The following SLC35F1 variants were observed in gnomAD, a reference collection of about 807,000 sequenced individuals.
SLC35F1 encodes solute carrier family 35 member F1.
SLC35F1 carries 14 observed loss-of-function variants against 48.7 expected under a neutral mutation model. That is an observed-to-expected ratio of 0.29 (90% confidence interval 0.19 to 0.45). The LOEUF (loss-of-function observed/expected upper bound fraction) is 0.45, where lower values mean the gene tolerates loss of function less well. Ranked by LOEUF, SLC35F1 falls within the 20% of genes least tolerant of loss-of-function variation. The probability of loss-of-function intolerance (pLI) is 1.00; values close to 1 mark genes in which losing one functional copy is unlikely to be tolerated. For synonymous variants in SLC35F1, 190 were observed against 202.2 expected (o/e 0.94, Z 0.51); for missense variants, 404 against 500.0 (o/e 0.81, Z 1.83).
chr6:117,943,215 A>C (rs1776254661), intron 1 of SLC35F1, among the ~76,000 whole-genome samples: 1 of 152,208 alleles, frequency 6.6e-6, no homozygotes, highest in South Asian at 2.1e-4. Flanking sequence ...GTAGTTCATT[A>C]CTGCTGATTG....
chr6:118,084,786 C>A (rs989724804), intron 1 of SLC35F1, among the ~76,000 whole-genome samples: 2 of 151,802 alleles, frequency 1.3e-5, no homozygotes, highest in Non-Finnish European at 2.9e-5. Context: ...GAAATGGGGA[C>A]CCTTGCTCCT....
Position 118,200,159 on chromosome 6 carries a change from TATACATACATAC to T in SLC35F1, c.350-35314_350-35303del, listed in dbSNP as rs71012386. 5.4e-3 allele frequency among the ~76,000 whole-genome samples: 797 copies of T among 147,294 alleles called. 7 individuals carry two copies. Among genetic ancestry groups the T allele is most frequent in the African/African-American group, 0.019 (738 of 38,634 alleles). ...CCAGTACCGCTGACATACATACATATATACATACATACATACATACATACATACATACATACA... is the reference window on the plus strand; with the variant it reads ...CCAGTACCGCTGACATACATACATATATACATACATACATACATACATACA... On this transcript the variant is annotated intron_variant, in intron 2 of 7. Transcript: ENST00000360388.
At chr6:118,000,955 CA>C (rs1394631234) in intron 1 of SLC35F1, among the ~76,000 whole-genome samples, 3 of 151,974 alleles carry the variant, frequency 2.0e-5, no homozygotes, top group Non-Finnish European at 4.4e-5. Flanking sequence ...AAAGAGGATA[CA>C]AACAAATGGA....
chr6:118,286,123 C>G (rs1288476511), intron 7 of SLC35F1, among the ~76,000 whole-genome samples: 1 of 152,120 alleles, frequency 6.6e-6, no homozygotes, highest in African/African-American at 2.4e-5. Flanking sequence ...AGACAAGAGT[C>G]AACAGGGACT....
intron 1 of SLC35F1, among the ~76,000 whole-genome samples, chr6:118,119,079 G>A (rs1773516302): frequency 6.6e-6 from 1 of 151,976 alleles, no homozygotes; most frequent in Non-Finnish European, 1.5e-5. Context: ...AAAGCTATGT[G>A]ACTATAGATC....
intron 1 of SLC35F1, among the ~76,000 whole-genome samples, chr6:117,924,651 C>T (rs1421095103): frequency 6.6e-6 from 1 of 151,900 alleles, no homozygotes; most frequent in Non-Finnish European, 1.5e-5. Flanking sequence ...AGGGCAATGC[C>T]AGAAGGTTGT....
chr6:118,072,315 A>G (rs1772744078), intron 1 of SLC35F1, among the ~76,000 whole-genome samples: 1 of 152,224 alleles, frequency 6.6e-6, no homozygotes. Flanking sequence ...CTGTAATCCC[A>G]GCACTTTGGG....
intron 2 of SLC35F1, among the ~76,000 whole-genome samples, chr6:118,212,061 A>G (rs983056869): frequency 2.0e-5 from 3 of 152,102 alleles, no homozygotes; most frequent in Non-Finnish European, 4.4e-5. Flanking sequence ...TTTCCTTTGT[A>G]TGCATTCTTG....
rs552985583 is a variant in SLC35F1, at chr6:118,221,092, CTGTGTCCAGCTGGGTCTACCTTATTAT to C, written c.350-14415_350-14389del. Among the ~76,000 whole-genome samples the C allele has an allele frequency of 5.3e-4, 80 of 152,240 alleles. 1 individual carries two copies. The highest frequency in any genetic ancestry group is 1.8e-3 in the African/African-American group (75 of 41,536). Reference sequence around the variant, plus strand: ...TCTCTTATAATTGTGTTAGATATTACTGTGTCCAGCTGGGTCTACCTTATTATTATCTACCTAACTGAAGACAGCACT... The same window carrying C: ...TCTCTTATAATTGTGTTAGATATTACTATCTACCTAACTGAAGACAGCACT... On this transcript the variant is annotated intron_variant, in intron 2 of 7. Transcript: ENST00000360388.
At chr6:117,919,801 G>C (rs886765738) in intron 1 of SLC35F1, among the ~76,000 whole-genome samples, 1 of 152,184 alleles carries the variant, frequency 6.6e-6, no homozygotes, top group African/African-American at 2.4e-5. Context: ...TTGGGAAGGC[G>C]ATTTCAGCAC....
intron 1 of SLC35F1, among the ~76,000 whole-genome samples, chr6:118,104,580 C>G (rs987451181): frequency 6.6e-6 from 1 of 152,090 alleles, no homozygotes; most frequent in South Asian, 2.1e-4. Context: ...TCAGCCACTA[C>G]AGAAGTTATA....
intron 1 of SLC35F1, among the ~76,000 whole-genome samples, chr6:118,087,939 G>T (rs926040025): frequency 6.6e-6 from 1 of 152,160 alleles, no homozygotes; most frequent in Non-Finnish European, 1.5e-5. Flanking sequence ...CCCAGAAACT[G>T]CTCAAGAAAT....
chr6:117,998,858 T>G (rs936563194), intron 1 of SLC35F1: 14 of 593,234 alleles, frequency 2.4e-5, no homozygotes, highest in South Asian at 3.8e-5. Flanking sequence ...ACATCACAAT[T>G]AAAAGAACTA....
chr6:118,259,140 A>G (rs1201697648), intron 3 of SLC35F1, among the ~76,000 whole-genome samples: 1 of 151,808 alleles, frequency 6.6e-6, no homozygotes, highest in East Asian at 1.9e-4. Flanking sequence ...AATAGAAAGA[A>G]AAAGTTTTGC....
Position 118,045,712 on chromosome 6 carries a change from G to A in SLC35F1, c.174-108733G>A, listed in dbSNP as rs1460937346. On this transcript the variant is annotated intron_variant, in intron 1 of 7. Transcript: ENST00000360388. ...CAAAATGCACAGGCCTACCTCAGAA[G>A]TTTAGATAGATCACCTTTTATACTT... Among the ~76,000 whole-genome samples, 3 of 152,190 alleles carry A rather than the reference G, an allele frequency of 2.0e-5. No homozygotes were observed. In the East Asian group the frequency reaches 5.8e-4, roughly 29 times the overall value.
intron 2 of SLC35F1, among the ~76,000 whole-genome samples, chr6:118,155,879 GTATT>G (rs1774132860): frequency 6.6e-6 from 1 of 152,130 alleles, no homozygotes; most frequent in South Asian, 2.1e-4. Flanking sequence ...AAGACTATCA[GTATT>G]TAATTTTTAC....
intron 7 of SLC35F1, among the ~76,000 whole-genome samples, chr6:118,297,275 A>G (rs1211043830): frequency 6.6e-5 from 10 of 152,164 alleles, no homozygotes; most frequent in Admixed American, 6.6e-4. Context: ...CTGTACCACC[A>G]GTCTCTGAAA....
At chr6:118,009,442 C>T in intron 1 of SLC35F1, among the ~76,000 whole-genome samples, 1 of 152,080 alleles carries the variant, frequency 6.6e-6, no homozygotes, top group South Asian at 2.1e-4. Flanking sequence ...CACATATCTC[C>T]CCATTTTTAA....
intron 1 of SLC35F1, among the ~76,000 whole-genome samples, chr6:117,938,352 G>T (rs1009513914): frequency 2.0e-5 from 3 of 152,150 alleles, no homozygotes; most frequent in African/African-American, 7.2e-5. Flanking sequence ...TGCCATACTG[G>T]ATCATATTGA....
Sources: allele counts gnomAD v4.1 joint callset (sites outside exome capture counted in the v4.1 genomes callset), GRCh38; gene constraint gnomAD v4.1.1; transcripts MANE v1.5; gene names NCBI Gene and HGNC (gene_info 2026-07-23, HGNC 2026-07-21).